Variants in EYA3 observed in about 807,000 individuals in gnomAD.
The protein encoded by EYA3 is protein phosphatase EYA3.
EYA3 carries 39 observed loss-of-function variants against 80.0 expected under a neutral mutation model. The ratio of observed to expected loss-of-function variants is 0.49; its 90% CI spans 0.38 to 0.64. The LOEUF (loss-of-function observed/expected upper bound fraction) is 0.64. Among genes scored for constraint, EYA3 ranks in the 30% least tolerant of loss-of-function variants. The pLI, the probability that EYA3 is intolerant of heterozygous loss-of-function variation, is 0.00. For missense variants in EYA3, 523 were observed against 676.1 expected (o/e 0.77, Z 2.51); for synonymous variants, 206 against 232.8 (o/e 0.88, Z 1.05).
intron 12 of EYA3, among the ~76,000 whole-genome samples, chr1:27,998,070 T>G (rs945852271): frequency 6.6e-6 from 1 of 152,202 alleles, no homozygotes; most frequent in African/African-American, 2.4e-5. Context: ...TGACATAAAA[T>G]GCCGCCCACT....
intron 12 of EYA3, among the ~76,000 whole-genome samples, chr1:27,998,793 G>C (rs1200311768): frequency 6.6e-6 from 1 of 151,926 alleles, no homozygotes; most frequent in African/African-American, 2.4e-5. Flanking sequence ...TTTAAAGACA[G>C]AGTCTCTCTC....
intron 13 of EYA3, among the ~76,000 whole-genome samples, chr1:27,995,538 A>T (rs1032112926): frequency 1.3e-5 from 2 of 151,200 alleles, no homozygotes; most frequent in Non-Finnish European, 2.9e-5. Flanking sequence ...GGAGTTCGAG[A>T]CAAGTGTGGG....
intron 16 of EYA3, among the ~76,000 whole-genome samples, chr1:27,986,087 G>A (rs1639635973): frequency 6.6e-6 from 1 of 151,892 alleles, no homozygotes; most frequent in Admixed American, 6.6e-5. Context: ...AAATTTTGGC[G>A]AGGTGCGGTG....
rs771732260 is a variant in EYA3, at chr1:28,048,447, A to G, written c.34-21T>C. On this transcript the variant is annotated intron_variant, in intron 2 of 17. Transcript: ENST00000373871. ...TTCACCTGCAAAAATAAATATACAA[A>G]GGTATCAATGTACTTGATCTGTTTT... is the stretch of plus-strand genomic sequence containing the variant. The G allele has an allele frequency of 1.3e-5, 21 of 1,601,614 alleles. No homozygotes were observed. The South Asian group carries it at 1.9e-4, about 14-fold the overall frequency.
At chr1:28,022,642 T>C (rs12144354) in intron 7 of EYA3, among the ~76,000 whole-genome samples, 35,722 of 151,954 alleles carry the variant, frequency 0.24, 4,272 homozygotes, top group Non-Finnish European at 0.27. Flanking sequence ...CTACATATAT[T>C]TGTTTGCTCT....
rs1279691528 is a variant in EYA3 at position 28,041,539 on chromosome 1, C to T, written c.157+1032G>A. On this transcript the variant is annotated intron_variant, in intron 4 of 17. Transcript: ENST00000373871. The stretch of plus-strand genomic sequence containing the variant: ...CTGCACTCCAACCTGGGCAACAAAG[C>T]AAGACTCCATCTCAAAAAACATAAA... 2.0e-5 allele frequency among the ~76,000 whole-genome samples: 3 copies of T among 149,128 alleles called. No individual in the cohort carries two copies. The East Asian group carries it at 5.9e-4, about 29-fold the overall frequency.
intron 1 of EYA3, among the ~76,000 whole-genome samples, chr1:28,077,846 C>T (rs1645278246): frequency 1.3e-5 from 2 of 152,156 alleles, no homozygotes; most frequent in South Asian, 4.1e-4. Context: ...GTCATCAATT[C>T]TCTAACATTC....
chr1:28,053,153 CAAAAAAA>C (rs34075939), intron 2 of EYA3, among the ~76,000 whole-genome samples: 22 of 72,528 alleles, frequency 3.0e-4, no homozygotes, highest in Non-Finnish European at 4.0e-4. Context: ...GACCCCGTCT[CAAAAAAA>C]AAAAAAAAAA....
chr1:28,063,070 T>TA (rs1233952527), intron 1 of EYA3, among the ~76,000 whole-genome samples: 2 of 149,698 alleles, frequency 1.3e-5, no homozygotes, highest in Non-Finnish European at 3.0e-5. Flanking sequence ...ACAAGGCATA[T>TA]ATCACTCTTA....
intron 4 of EYA3, 68 bp from the exon 5 acceptor site, chr1:28,038,973 A>G (rs1557602739): frequency 4.2e-6 from 4 of 957,360 alleles, no homozygotes; most frequent in Non-Finnish European, 6.7e-6. Context: ...GGAAAACTGC[A>G]CATCTCACTG....
rs779518349 is a variant in EYA3 at position 27,977,423 on chromosome 1, G to A, written c.1641+951C>T. 21 of 1,542,196 alleles carry A rather than the reference G, an allele frequency of 1.4e-5. No individual in the cohort carries two copies. In the South Asian group the frequency reaches 1.7e-4, roughly 12 times the overall value. On this transcript the variant is annotated intron_variant, in intron 17 of 17. Transcript: ENST00000373871. Reference sequence around the variant, plus strand: ...AAATAAATTGGGATAGGGAGGGAAAGAACTTCTACAGATCCATTTAGCAGA... The same window carrying A: ...AAATAAATTGGGATAGGGAGGGAAAAAACTTCTACAGATCCATTTAGCAGA...
At chr1:27,989,922 C>G in intron 14 of EYA3, 111 bp from the exon 15 acceptor site, 1 of 547,548 alleles carries the variant, frequency 1.8e-6, no homozygotes, top group South Asian at 2.2e-5. Context: ...AAATATTCTA[C>G]TGAGTATGTT....
chr1:28,007,208 G>C (rs1182158589), intron 10 of EYA3, among the ~76,000 whole-genome samples: 1 of 151,874 alleles, frequency 6.6e-6, no homozygotes, highest in African/African-American at 2.4e-5. Context: ...ACAAAGTGCT[G>C]GGATTAGAGG....
chr1:28,073,260 G>A (rs1645092986), intron 1 of EYA3, among the ~76,000 whole-genome samples: 1 of 140,224 alleles, frequency 7.1e-6, no homozygotes, highest in South Asian at 2.4e-4. Flanking sequence ...AGCCTCCCAA[G>A]TAGCTGGGAC....
chr1:28,082,527 A>C (rs1024707878), intron 1 of EYA3, among the ~76,000 whole-genome samples: 1 of 152,148 alleles, frequency 6.6e-6, no homozygotes, highest in Non-Finnish European at 1.5e-5. Context: ...ATTTAAATAT[A>C]CTACTCTAAA....
At chr1:27,990,430 C>T (rs1639966997) in intron 14 of EYA3, 1 of 152,370 alleles carries the variant, frequency 6.6e-6, no homozygotes, top group Admixed American at 6.5e-5. Context: ...ATGGGGTGCC[C>T]CTAGCATGGC....
chr1:27,976,954 G>A (rs1638961349), intron 17 of EYA3: 1 of 894,098 alleles, frequency 1.1e-6, no homozygotes, highest in Non-Finnish European at 1.3e-6. Context: ...CTGACCTCAG[G>A]TGATTTGCCT....
intron 16 of EYA3, among the ~76,000 whole-genome samples, chr1:27,981,763 CAA>C (rs373795075): frequency 4.0e-4 from 38 of 95,906 alleles, no homozygotes; most frequent in Admixed American, 7.0e-4. Context: ...GACCCTGTCT[CAA>C]AAAAAAAAAA....
At chr1:28,086,725 T>C (rs1002975156) in intron 1 of EYA3, among the ~76,000 whole-genome samples, 3 of 152,008 alleles carry the variant, frequency 2.0e-5, no homozygotes, top group Non-Finnish European at 4.4e-5. Flanking sequence ...GCCATACACA[T>C]TGGGGTTTGT....
Sources: gnomAD v4.1 joint callset for allele counts (sites outside exome capture counted in the v4.1 genomes callset) on GRCh38, gnomAD v4.1.1 for gene constraint, MANE v1.5 for transcripts, NCBI Gene and HGNC (gene_info 2026-07-23, HGNC 2026-07-21) for gene names.